Variants in FAM114A1 observed in about 807,000 individuals in gnomAD.
FAM114A1 encodes protein NOXP20.
A neutral mutation model predicts 64.3 loss-of-function variants in FAM114A1; 62 were observed. That is an observed-to-expected ratio of 0.96 (90% CI 0.79 to 1.19). FAM114A1 has a LOEUF of 1.19. Ranked by LOEUF, FAM114A1 falls within the 50% of genes most tolerant of loss-of-function variation. The pLI is 0.00. For synonymous variants in FAM114A1, 254 were observed against 251.1 expected (o/e 1.01, Z -0.11); for missense variants, 645 against 676.3 (o/e 0.95, Z 0.51).
chr4:38,936,193 C>T (rs1265344779), intron 13 of FAM114A1, among the ~76,000 whole-genome samples: 36 of 151,168 alleles, frequency 2.4e-4, no homozygotes, highest in East Asian at 2.0e-4. Context: ...CCCAGGCTCA[C>T]GCCGTTCTCC....
intron 7 of FAM114A1, among the ~76,000 whole-genome samples, chr4:38,914,343 T>C (rs1433292980): frequency 6.6e-6 from 1 of 151,934 alleles, no homozygotes; most frequent in Non-Finnish European, 1.5e-5. Context: ...GGGAGGAGGA[T>C]CACTTGAGGT....
chr4:38,931,627 G>C lies in FAM114A1; in HGVS notation c.1323+15G>C, dbSNP rs1377838810. On this transcript the variant is annotated intron_variant, in intron 11 of 14. Transcript: ENST00000358869. ...AGACCATAGAGGTAAATTCATTCTA[G>C]ATTGTCTGCCTACAAGGTAATAAGA... is the stretch of plus-strand genomic sequence containing the variant. The C allele has an allele frequency of 1.2e-6, 2 of 1,606,346 alleles. No homozygotes were observed. The highest frequency in any genetic ancestry group is 1.3e-5 in the African/African-American group (1 of 74,366).
At chr4:38,903,774 T>G (rs932252879) in intron 4 of FAM114A1, among the ~76,000 whole-genome samples, 1 of 152,212 alleles carries the variant, frequency 6.6e-6, no homozygotes, top group Non-Finnish European at 1.5e-5. Flanking sequence ...TTGAACTGTG[T>G]CTAATGATCT....
chr4:38,922,079 T>C (rs888927670), intron 8 of FAM114A1, among the ~76,000 whole-genome samples: 4 of 152,148 alleles, frequency 2.6e-5, no homozygotes, highest in African/African-American at 9.6e-5. Flanking sequence ...GTAGCTGGGA[T>C]TACAGGCATG....
chr4:38,871,601 A>G (rs1340089354), intron 2 of FAM114A1, among the ~76,000 whole-genome samples: 4 of 152,146 alleles, frequency 2.6e-5, no homozygotes, highest in African/African-American at 4.8e-5. Context: ...GTGTTGGTTG[A>G]ATGCAGAACA....
chr4:38,872,050 C>T (rs2109517060), intron 2 of FAM114A1, among the ~76,000 whole-genome samples: 1 of 152,312 alleles, frequency 6.6e-6, no homozygotes, highest in African/African-American at 2.4e-5. Flanking sequence ...TCTTGTCGAT[C>T]CACATACCTG....
intron 3 of FAM114A1, among the ~76,000 whole-genome samples, chr4:38,886,843 G>T (rs1358149598): frequency 6.6e-5 from 10 of 150,880 alleles, no homozygotes; most frequent in Admixed American, 6.6e-4. Flanking sequence ...CAGGAGAATC[G>T]CTTGAGCCCA....
chr4:38,885,432 C>T (rs906276414), intron 3 of FAM114A1, among the ~76,000 whole-genome samples: 2 of 151,930 alleles, frequency 1.3e-5, no homozygotes, highest in East Asian at 1.9e-4. Context: ...CATGCCACCA[C>T]GCCTGGCTAA....
chr4:38,917,678 A>G (rs1719203916), intron 8 of FAM114A1, among the ~76,000 whole-genome samples: 1 of 152,018 alleles, frequency 6.6e-6, no homozygotes, highest in Non-Finnish European at 1.5e-5. Flanking sequence ...GGTGGTGGAG[A>G]ATGATTCCAT....
At chr4:38,917,337 CA>C (rs57914020) in intron 8 of FAM114A1, among the ~76,000 whole-genome samples, 93 of 133,328 alleles carry the variant, frequency 7.0e-4, no homozygotes, top group Admixed American at 8.4e-4. Flanking sequence ...GACTCTGTCT[CA>C]AAAAAAAAAA....
At chr4:38,886,842 C>T (rs1341725054) in intron 3 of FAM114A1, among the ~76,000 whole-genome samples, 1 of 150,942 alleles carries the variant, frequency 6.6e-6, no homozygotes, top group African/African-American at 2.4e-5. Flanking sequence ...GCAGGAGAAT[C>T]GCTTGAGCCC....
intron 7 of FAM114A1, among the ~76,000 whole-genome samples, chr4:38,910,718 TAAAGC>T (rs756355338): frequency 2.6e-5 from 4 of 151,962 alleles, no homozygotes; most frequent in Non-Finnish European, 5.9e-5. Context: ...GGAACCTGAG[TAAAGC>T]TCATTCCAGG....
intron 3 of FAM114A1, 148 bp from the exon 4 acceptor site, chr4:38,891,595 C>G (rs888039541): frequency 4.7e-6 from 3 of 636,740 alleles, no homozygotes; most frequent in East Asian, 3.0e-5. Flanking sequence ...TTGGGATATT[C>G]TTTTATGACC....
At chr4:38,867,943 G>C in intron 1 of FAM114A1, 109 bp downstream of exon 1, 2 of 261,102 alleles carry the variant, frequency 7.7e-6, no homozygotes, top group South Asian at 6.8e-5. Context: ...CCTCGTCCGG[G>C]ACCCACGAAT....
chr4:38,928,812 G>T (rs17429570), intron 9 of FAM114A1, among the ~76,000 whole-genome samples: 1 of 152,150 alleles, frequency 6.6e-6, no homozygotes, highest in Non-Finnish European at 1.5e-5. Flanking sequence ...TACCATTAGG[G>T]TTGCAATGCT....
At chr4:38,927,063 C>T (rs532006450) in intron 9 of FAM114A1, among the ~76,000 whole-genome samples, 1 of 152,314 alleles carries the variant, frequency 6.6e-6, no homozygotes, top group East Asian at 1.9e-4. Context: ...GTCCTTGCTG[C>T]TCCCATGGAT....
chr4:38,918,294 C>T (rs935883382), intron 8 of FAM114A1, among the ~76,000 whole-genome samples: 4 of 152,152 alleles, frequency 2.6e-5, no homozygotes, highest in African/African-American at 9.7e-5. Flanking sequence ...TTATTCTTCA[C>T]TCCTGTAATA....
In FAM114A1 at chr4:38,943,479, A is replaced by G; in HGVS notation, c.1614A>G (p.Ile538Met). 6.2e-7 allele frequency: 1 copy of G among 1,614,136 alleles called. No individual in the cohort carries two copies. The highest frequency in any genetic ancestry group is 8.5e-7 in the Non-Finnish European group (1 of 1,180,010). ...LLEGCNSTTY[I>M]QDAFQLLLPV... The stretch of plus-strand genomic sequence containing the variant: ...AGGGCTGCAACAGTACAACGTACAT[A>G]CAGGATGCCTTCCAGCTGCTGCTGC... The change falls in exon 15 of 15, where the codon ATA becomes ATG. Residue 538 changes from isoleucine (I) to methionine (M), a missense_variant. Coordinates refer to ENST00000358869, the MANE Select transcript of FAM114A1 (RefSeq NM_138389.4).
intron 4 of FAM114A1, among the ~76,000 whole-genome samples, chr4:38,896,014 TACACCACCA>T (rs1265878249): frequency 6.6e-6 from 1 of 152,126 alleles, no homozygotes; most frequent in African/African-American, 2.4e-5. Context: ...CTTTGTCAGT[TACACCACCA>T]ATTACAGAAC....
Sources: allele counts gnomAD v4.1 joint callset (sites outside exome capture counted in the v4.1 genomes callset), GRCh38; gene constraint gnomAD v4.1.1; transcripts MANE v1.5; gene names NCBI Gene and HGNC (gene_info 2026-07-23, HGNC 2026-07-21).